Variants in EFCAB6 observed in about 807,000 individuals in gnomAD.
EFCAB6 encodes EF-hand calcium binding domain 6, also known as EF-hand calcium-binding domain-containing protein 6.
EFCAB6 carries 156 observed loss-of-function variants against 169.8 expected under a neutral mutation model. The ratio of observed to expected loss-of-function variants is 0.92; its 90% CI spans 0.81 to 1.05. The LOEUF (loss-of-function observed/expected upper bound fraction) is 1.05. EFCAB6 is among the 50% of genes least tolerant of loss of function. EFCAB6 has a pLI of 0.00. For missense variants in EFCAB6, 1,800 were observed against 1,829.1 expected (o/e 0.98, Z 0.29); for synonymous variants, 698 against 676.4 (o/e 1.03, Z -0.50).
intron 8 of EFCAB6, among the ~76,000 whole-genome samples, chr22:43,726,452 G>A (rs992109242): frequency 1.3e-5 from 2 of 152,120 alleles, no homozygotes; most frequent in Admixed American, 1.3e-4. Flanking sequence ...GAGGCCCTGG[G>A]GAGCAACTGA....
chr22:43,778,509 G>A (rs1394408302), intron 3 of EFCAB6, among the ~76,000 whole-genome samples: 1 of 152,224 alleles, frequency 6.6e-6, no homozygotes, highest in Non-Finnish European at 1.5e-5. Flanking sequence ...GGTGGACACA[G>A]ATGTTCCCAG....
At chr22:43,584,007 C>T (rs2050896145) in intron 24 of EFCAB6, among the ~76,000 whole-genome samples, 1 of 152,064 alleles carries the variant, frequency 6.6e-6, no homozygotes, top group Admixed American at 6.6e-5. Context: ...TCCTTCATTA[C>T]CTGGATACTG....
intron 26 of EFCAB6, among the ~76,000 whole-genome samples, chr22:43,570,434 C>G (rs900591496): frequency 3.9e-5 from 6 of 152,104 alleles, no homozygotes; most frequent in African/African-American, 1.4e-4. Flanking sequence ...AAATGTTAAA[C>G]AGGAACGATT....
In EFCAB6 at chr22:43,772,920, C is replaced by T. The variant is rs774551472; in HGVS notation, c.323G>A (p.Arg108Gln). The change falls in exon 4 of 32, where the codon CGA (arginine) becomes CAA (glutamine). Residue 108 changes from arginine (R) to glutamine (Q), a missense_variant. Physicochemically the swap from Arg to Gln is conservative, Grantham distance 43. Coordinates refer to ENST00000262726, the MANE Select transcript of EFCAB6 (RefSeq NM_022785.4). ...AGCCAACACGTCCTGAAACTGTTCT[C>T]GTGTGAGCGGCATCAGGAAGTCTGT... is the stretch of plus-strand genomic sequence containing the variant. ...IITDFLMPLT[R>Q]EQFQDVLAQI... 3 of 1,614,160 alleles carry T rather than the reference C, an allele frequency of 1.9e-6. No homozygotes were observed. The Admixed American group carries it at 5.0e-5, about 27-fold the overall frequency.
At chr22:43,617,060 T>C (rs5764691) in intron 20 of EFCAB6, among the ~76,000 whole-genome samples, 42,285 of 152,020 alleles carry the variant, frequency 0.28, 6,480 homozygotes, top group East Asian at 0.62. Flanking sequence ...CTCACCTGCT[T>C]TTCTGTGCCA....
At chr22:43,592,981 G>A (rs189609337) in intron 23 of EFCAB6, among the ~76,000 whole-genome samples, 57 of 152,010 alleles carry the variant, frequency 3.7e-4, no homozygotes, top group Admixed American at 6.6e-4. Context: ...CTAGATTTAA[G>A]AGGCAGATAC....
At chr22:43,542,348 G>T (rs1431420637) in intron 27 of EFCAB6, among the ~76,000 whole-genome samples, 3 of 152,210 alleles carry the variant, frequency 2.0e-5, no homozygotes, top group Non-Finnish European at 2.9e-5. Context: ...GGGAGGCCGA[G>T]ACAGGAGGAT....
At chr22:43,656,552 A>G (rs1269010012) in intron 17 of EFCAB6, among the ~76,000 whole-genome samples, 1 of 152,216 alleles carries the variant, frequency 6.6e-6, no homozygotes, top group Non-Finnish European at 1.5e-5. Context: ...CCATAAGATT[A>G]TATCATATTT....
intron 10 of EFCAB6, among the ~76,000 whole-genome samples, chr22:43,695,965 C>T (rs1189607356): frequency 6.6e-6 from 1 of 151,950 alleles, no homozygotes; most frequent in Non-Finnish European, 1.5e-5. Context: ...TGTAAATGGA[C>T]TGTCTCAAAA....
intron 17 of EFCAB6, among the ~76,000 whole-genome samples, chr22:43,648,839 T>A (rs2056317972): frequency 6.6e-6 from 1 of 152,230 alleles, no homozygotes; most frequent in Non-Finnish European, 1.5e-5. Context: ...AATTGATTCA[T>A]GCATTTGAAA....
intron 25 of EFCAB6, among the ~76,000 whole-genome samples, chr22:43,579,540 G>GCAGGCATCATTCCC (rs2050552753): frequency 2.0e-5 from 1 of 50,578 alleles, no homozygotes; most frequent in Admixed American, 2.1e-4. Context: ...GCATCATTCC[G>GCAGGCATCATTCCC]TACACGCAGG....
At chr22:43,592,407 C>G (rs998333344) in intron 23 of EFCAB6, among the ~76,000 whole-genome samples, 2 of 152,150 alleles carry the variant, frequency 1.3e-5, no homozygotes, top group Non-Finnish European at 2.9e-5. Flanking sequence ...TATTATATTC[C>G]ACTTAATCCT....
chr22:43,799,716 A>C (rs1305864224), intron 2 of EFCAB6, among the ~76,000 whole-genome samples: 1 of 152,248 alleles, frequency 6.6e-6, no homozygotes, highest in Non-Finnish European at 1.5e-5. Flanking sequence ...TGAAAACCAA[A>C]GTAAATATAC....
chr22:43,646,945 C>G (rs1456543887), intron 17 of EFCAB6, among the ~76,000 whole-genome samples: 2 of 152,098 alleles, frequency 1.3e-5, no homozygotes, highest in Non-Finnish European at 2.9e-5. Context: ...TTCTTTTGAC[C>G]TAGACATTTC....
chr22:43,601,651 G>A (rs1030819772), intron 22 of EFCAB6, among the ~76,000 whole-genome samples: 15 of 152,194 alleles, frequency 9.9e-5, no homozygotes, highest in African/African-American at 3.6e-4. Flanking sequence ...TGTTTGAGCT[G>A]GGTGAACAAT....
At chr22:43,659,505 T>C (rs2056904498) in intron 17 of EFCAB6, among the ~76,000 whole-genome samples, 1 of 151,790 alleles carries the variant, frequency 6.6e-6, no homozygotes. Flanking sequence ...CAAAATAATG[T>C]AAAAATTATC....
At chr22:43,765,075 T>C (rs1247491007) in intron 5 of EFCAB6, among the ~76,000 whole-genome samples, 1 of 152,196 alleles carries the variant, frequency 6.6e-6, no homozygotes, top group Non-Finnish European at 1.5e-5. Context: ...GTGTTTACAT[T>C]TTATTACAGT....
chr22:43,618,173 A>AAGGAAGGAGG (rs1569256996), intron 20 of EFCAB6, among the ~76,000 whole-genome samples: 16 of 44,630 alleles, frequency 3.6e-4, no homozygotes, highest in African/African-American at 9.9e-4. Flanking sequence ...AAGGAAAGAA[A>AAGGAAGGAGG]GAAAGAAAGA....
At chr22:43,563,174 G>T (rs1294168501) in intron 26 of EFCAB6, among the ~76,000 whole-genome samples, 2 of 152,112 alleles carry the variant, frequency 1.3e-5, no homozygotes, top group Non-Finnish European at 2.9e-5. Flanking sequence ...TAGGCTGGAA[G>T]AGGCGGGCTT....
Sources: allele counts gnomAD v4.1 joint callset (sites outside exome capture counted in the v4.1 genomes callset), GRCh38; gene constraint gnomAD v4.1.1; transcripts MANE v1.5; gene names NCBI Gene and HGNC (gene_info 2026-07-23, HGNC 2026-07-21).